The following SPAG16 variants were observed in gnomAD, a reference collection of about 807,000 sequenced individuals.
SPAG16 encodes the protein sperm-associated antigen 16 protein.
Under a neutral mutation model 80.4 loss-of-function variants are expected in SPAG16, and 86 were observed. The ratio of observed to expected loss-of-function variants is 1.07; its 90% CI spans 0.90 to 1.28. SPAG16 has a LOEUF of 1.28. SPAG16 is among the 50% of genes most tolerant of loss of function. The probability of loss-of-function intolerance (pLI) is 0.00; values close to 1 mark genes in which losing one functional copy is unlikely to be tolerated. For missense variants in SPAG16, 870 were observed against 765.3 expected, an observed-to-expected ratio of 1.14 and a Z score of -1.61; for synonymous variants, 294 against 265.9, an observed-to-expected ratio of 1.11 and a Z score of -1.03.
intron 15 of SPAG16, among the ~76,000 whole-genome samples, chr2:214,236,312 A>G (rs1036586582): frequency 7.2e-5 from 11 of 152,208 alleles, no homozygotes; most frequent in African/African-American, 2.7e-4. Flanking sequence ...AGGTGCTTAT[A>G]AAGAATTACT....
intron 15 of SPAG16, among the ~76,000 whole-genome samples, chr2:214,366,976 T>C (rs773038069): frequency 1.3e-5 from 2 of 151,934 alleles, no homozygotes; most frequent in Admixed American, 6.6e-5. Context: ...TACACAGAGG[T>C]GGTAAGGAAG....
At chr2:214,183,701 A>G (rs2057377116) in intron 15 of SPAG16, among the ~76,000 whole-genome samples, 1 of 152,040 alleles carries the variant, frequency 6.6e-6, no homozygotes, top group African/African-American at 2.4e-5. Context: ...ATTTTAGCTC[A>G]GCTTAGAAAC....
At chr2:213,351,265 A>G (rs906091995) in intron 7 of SPAG16, among the ~76,000 whole-genome samples, 1 of 152,196 alleles carries the variant, frequency 6.6e-6, no homozygotes, top group Non-Finnish European at 1.5e-5. Context: ...GCCAGCTTTG[A>G]CAGCTATAAA....
intron 10 of SPAG16, among the ~76,000 whole-genome samples, chr2:213,557,468 T>C (rs1335661889): frequency 6.6e-6 from 1 of 152,082 alleles, no homozygotes; most frequent in South Asian, 2.1e-4. Context: ...TAATTATATG[T>C]ATACCATTAA....
At chr2:214,262,568 G>A (rs1691254901) in intron 15 of SPAG16, among the ~76,000 whole-genome samples, 1 of 151,816 alleles carries the variant, frequency 6.6e-6, no homozygotes, top group Non-Finnish European at 1.5e-5. Context: ...GTTTTCTCAG[G>A]ATGATGAAAT....
intron 10 of SPAG16, among the ~76,000 whole-genome samples, chr2:213,801,694 C>T (rs1222854346): frequency 6.6e-6 from 1 of 152,174 alleles, no homozygotes; most frequent in Non-Finnish European, 1.5e-5. Flanking sequence ...AACAGAGACT[C>T]TGAGATGGAA....
At chr2:213,788,138 T>C (rs2070457812) in intron 10 of SPAG16, among the ~76,000 whole-genome samples, 1 of 151,980 alleles carries the variant, frequency 6.6e-6, no homozygotes, top group African/African-American at 2.4e-5. Context: ...TTCTAAGAAA[T>C]TTATTGGATT....
intron 10 of SPAG16, among the ~76,000 whole-genome samples, chr2:213,812,551 T>C (rs934560117): frequency 1.3e-5 from 2 of 152,166 alleles, no homozygotes; most frequent in Admixed American, 6.5e-5. Flanking sequence ...TGTATGTTTA[T>C]TTGTGGGAGG....
chr2:214,089,911 A>G (rs951257239), intron 13 of SPAG16, among the ~76,000 whole-genome samples: 2 of 152,214 alleles, frequency 1.3e-5, no homozygotes, highest in African/African-American at 4.8e-5. Context: ...TAAGACCTCT[A>G]CTACTTCTAT....
Position 213,765,092 on chromosome 2 carries a change from G to A in SPAG16, c.1071-97393G>A, listed in dbSNP as rs557593304. 5.9e-5 allele frequency among the ~76,000 whole-genome samples: 9 copies of A among 152,332 alleles called. 1 individual carries two copies. Among genetic ancestry groups the A allele is most frequent in the African/African-American group, 2.2e-4 (9 of 41,582 alleles). On this transcript the variant is annotated intron_variant, in intron 10 of 15. Coordinates refer to ENST00000331683, the MANE Select transcript of SPAG16 (RefSeq NM_024532.5). ...AAATTAACATTAAAACAGAGGCCGGGCACGATGGCTCATGCCTGTAATCCC... is the reference window on the plus strand; with the variant it reads ...AAATTAACATTAAAACAGAGGCCGGACACGATGGCTCATGCCTGTAATCCC...
chr2:213,653,342 T>C (rs1574658735), intron 10 of SPAG16, among the ~76,000 whole-genome samples: 2 of 152,188 alleles, frequency 1.3e-5, no homozygotes, highest in Non-Finnish European at 2.9e-5. Flanking sequence ...GACTAATACT[T>C]GTCATAGGCC....
At chr2:213,679,741 G>T (rs895067586) in intron 10 of SPAG16, among the ~76,000 whole-genome samples, 12 of 151,986 alleles carry the variant, frequency 7.9e-5, no homozygotes, top group African/African-American at 2.9e-4. Context: ...ATTTGATAAG[G>T]GAATTATTTT....
At chr2:214,181,536 G>A (rs533447660) in intron 15 of SPAG16, among the ~76,000 whole-genome samples, 1 of 151,728 alleles carries the variant, frequency 6.6e-6, no homozygotes, top group African/African-American at 2.4e-5. Flanking sequence ...CATAATGAGG[G>A]CACATGTAAA....
intron 13 of SPAG16, among the ~76,000 whole-genome samples, chr2:214,018,310 ACT>A (rs1305564907): frequency 6.6e-6 from 1 of 152,148 alleles, no homozygotes; most frequent in Non-Finnish European, 1.5e-5. Flanking sequence ...AAAAATTTAT[ACT>A]GTTATATACA....
chr2:214,127,274 G>T (rs925732313), intron 14 of SPAG16, among the ~76,000 whole-genome samples: 6 of 151,712 alleles, frequency 4.0e-5, no homozygotes, highest in African/African-American at 1.4e-4. Context: ...TGTCATCCCT[G>T]GTTTACTATT....
chr2:214,379,060 G>C (rs1402914069), intron 15 of SPAG16, among the ~76,000 whole-genome samples: 1 of 152,218 alleles, frequency 6.6e-6, no homozygotes, highest in African/African-American at 2.4e-5. Context: ...GAACTCTGGA[G>C]TAGATTGACA....
At chr2:214,246,397 G>A (rs538637348) in intron 15 of SPAG16, among the ~76,000 whole-genome samples, 13 of 152,152 alleles carry the variant, frequency 8.5e-5, no homozygotes, top group East Asian at 7.7e-4. Context: ...CTTTGAAACC[G>A]GGTGGGCTTG....
chr2:214,326,339 T>A (rs1304532941), intron 15 of SPAG16, among the ~76,000 whole-genome samples: 1 of 152,110 alleles, frequency 6.6e-6, no homozygotes, highest in Admixed American at 6.6e-5. Context: ...AGGAATAGAA[T>A]CTCCCCTAGA....
chr2:213,305,877 T>C (rs2126100942), intron 3 of SPAG16, among the ~76,000 whole-genome samples: 1 of 152,320 alleles, frequency 6.6e-6, no homozygotes, highest in East Asian at 1.9e-4. Context: ...TTTGAAGTAC[T>C]CCCTTTTCTT....
Sources: gnomAD v4.1 joint callset for allele counts (sites outside exome capture counted in the v4.1 genomes callset) on GRCh38, gnomAD v4.1.1 for gene constraint, MANE v1.5 for transcripts, NCBI Gene and HGNC (gene_info 2026-07-23, HGNC 2026-07-21) for gene names.